Variants in PRDM16 observed in about 807,000 individuals in gnomAD.
PRDM16 encodes PR/SET domain 16, also known as histone-lysine N-methyltransferase PRDM16.
PRDM16 carries 23 observed loss-of-function variants against 110.6 expected under a neutral mutation model. That is an observed-to-expected ratio of 0.21 (90% CI 0.15 to 0.29). PRDM16 has a LOEUF of 0.29. PRDM16 is among the 10% of genes least tolerant of loss of function. The pLI is 1.00. For synonymous variants in PRDM16, 799 were observed against 781.8 expected (o/e 1.02, Z -0.37); for missense variants, 1,615 against 1,794.3 (o/e 0.90, Z 1.81).
intron 1 of PRDM16, among the ~76,000 whole-genome samples, chr1:3,077,667 C>G (rs1165999519): frequency 6.6e-6 from 1 of 152,156 alleles, no homozygotes; most frequent in African/African-American, 2.4e-5. Flanking sequence ...ATCTCCTTGG[C>G]CTGTTTGGGA....
At chr1:3,138,078 C>G (rs1366446191) in intron 1 of PRDM16, among the ~76,000 whole-genome samples, 3 of 152,322 alleles carry the variant, frequency 2.0e-5, no homozygotes, top group East Asian at 3.9e-4. Context: ...GTGAAGGGCT[C>G]CAGCCTGGCA....
intron 3 of PRDM16, among the ~76,000 whole-genome samples, chr1:3,314,905 T>C (rs1482981082): frequency 1.3e-5 from 2 of 152,146 alleles, no homozygotes; most frequent in Non-Finnish European, 2.9e-5. Flanking sequence ...CCAAATGTCT[T>C]CATAGCCCAT....
At chr1:3,422,879 G>T (rs1461280363) in intron 12 of PRDM16, among the ~76,000 whole-genome samples, 1 of 152,220 alleles carries the variant, frequency 6.6e-6, no homozygotes, top group Non-Finnish European at 1.5e-5. Context: ...GGACCCGGGT[G>T]CCCGGAGGCA....
At chr1:3,428,208 G>A (rs1285856010) in intron 14 of PRDM16, among the ~76,000 whole-genome samples, 2 of 146,386 alleles carry the variant, frequency 1.4e-5, no homozygotes, top group Admixed American at 6.8e-5. Flanking sequence ...CCGAGCTAGG[G>A]TGCAGCCCGG....
chr1:3,124,335 G>C (rs1157346677), intron 1 of PRDM16, among the ~76,000 whole-genome samples: 3 of 152,212 alleles, frequency 2.0e-5, no homozygotes. Flanking sequence ...CTCCTGTTTT[G>C]CAGAGAGCTC....
intron 3 of PRDM16, among the ~76,000 whole-genome samples, chr1:3,259,555 G>C (rs1640118193): frequency 6.6e-6 from 1 of 152,184 alleles, no homozygotes. Context: ...CACCACCCAA[G>C]GCCACATAGG....
rs370768320 is a variant in PRDM16, at chr1:3,392,828, G to A, written c.574-3663G>A. 2.0e-4 allele frequency among the ~76,000 whole-genome samples: 30 copies of A among 152,290 alleles called. 3 individuals carry two copies. The East Asian group carries it at 2.7e-3, about 14-fold the overall frequency. ...AATTTCTCTGCCTTCTGTTGAGAAC[G>A]TGGCCATTTATTTGTCCCAGAAGTC... On this transcript the variant is annotated intron_variant, in intron 4 of 16. Transcript: ENST00000270722.
At chr1:3,231,237 C>A (rs543675652) in intron 2 of PRDM16, among the ~76,000 whole-genome samples, 4 of 152,214 alleles carry the variant, frequency 2.6e-5, no homozygotes, top group African/African-American at 9.7e-5. Context: ...CTAGGTTAAT[C>A]GCCACAAGAG....
At chr1:3,071,560 G>A (rs1641762076) in intron 1 of PRDM16, among the ~76,000 whole-genome samples, 1 of 152,242 alleles carries the variant, frequency 6.6e-6, no homozygotes, top group African/African-American at 2.4e-5. Flanking sequence ...GGATCACACT[G>A]CCTGCCCTGA....
intron 1 of PRDM16, among the ~76,000 whole-genome samples, chr1:3,181,895 C>T (rs1180683065): frequency 1.0e-5 from 1 of 96,484 alleles, no homozygotes; most frequent in East Asian, 2.4e-4. Context: ...CGCAGTCTTA[C>T]ACACGGTCTT....
intron 3 of PRDM16, among the ~76,000 whole-genome samples, chr1:3,292,144 A>G (rs577695862): frequency 1.3e-5 from 2 of 152,310 alleles, no homozygotes; most frequent in Admixed American, 1.3e-4. Context: ...TGCACTGACA[A>G]CCTTGGGCAC....
At position 3,203,575 on chromosome 1, in the gene PRDM16, C is replaced by T. The variant is rs184763734; in HGVS notation, c.387+17101C>T. Reference sequence around the variant, plus strand: ...CCTCTGGGGTGGGGTCCGTGCGTTTCTCTCCCCGGGGGGGCCAGGGTGTGG... The same window carrying T: ...CCTCTGGGGTGGGGTCCGTGCGTTTTTCTCCCCGGGGGGGCCAGGGTGTGG... On this transcript the variant is annotated intron_variant, in intron 2 of 16. Coordinates refer to ENST00000270722, the MANE Select transcript of PRDM16 (RefSeq NM_022114.4). 2.9e-4 allele frequency among the ~76,000 whole-genome samples: 41 copies of T among 143,322 alleles called. No individual in the cohort carries two copies. In the East Asian group the frequency reaches 8.2e-3, roughly 29 times the overall value. The allele number at this position is 143,322 out of a possible 152,430, so 94.0% of individuals were successfully genotyped here. A position where few individuals can be genotyped will look rare whatever the true frequency, so the allele number is the denominator to read the frequency against.
At chr1:3,116,368 G>A (rs1402515242) in intron 1 of PRDM16, among the ~76,000 whole-genome samples, 2 of 152,100 alleles carry the variant, frequency 1.3e-5, no homozygotes, top group Admixed American at 6.5e-5. Context: ...GGCCAATGAC[G>A]GGGGGGACGC....
chr1:3,314,379 G>A (rs1031839750), intron 3 of PRDM16, among the ~76,000 whole-genome samples: 3 of 152,118 alleles, frequency 2.0e-5, no homozygotes, highest in Admixed American at 1.3e-4. Context: ...GTACCGAATC[G>A]GAAGGATTTG....
At chr1:3,109,096 AAT>A (rs1311181386) in intron 1 of PRDM16, among the ~76,000 whole-genome samples, 2 of 145,222 alleles carry the variant, frequency 1.4e-5, no homozygotes, top group Admixed American at 1.4e-4. Context: ...TAATAATAAT[AAT>A]AATAATAATA....
At chr1:3,097,860 G>A (rs996728518) in intron 1 of PRDM16, among the ~76,000 whole-genome samples, 4 of 152,138 alleles carry the variant, frequency 2.6e-5, no homozygotes, top group Admixed American at 1.3e-4. Context: ...TGCAGCAGAC[G>A]CCCCTCGAGC....
intron 1 of PRDM16, among the ~76,000 whole-genome samples, chr1:3,185,299 C>G (rs2651925): frequency 0.33 from 49,536 of 151,970 alleles, 9,469 homozygotes; most frequent in African/African-American, 0.54. Flanking sequence ...TGGGCACTCT[C>G]TCATTGCTTA....
chr1:3,308,450 G>A (rs1557596264), intron 3 of PRDM16: 1 of 152,232 alleles, frequency 6.6e-6, no homozygotes, highest in African/African-American at 2.4e-5. Flanking sequence ...CCCCTCTGAT[G>A]GCCTTGGGTT....
chr1:3,348,438 C>T (rs1043414420), intron 3 of PRDM16, among the ~76,000 whole-genome samples: 3 of 152,212 alleles, frequency 2.0e-5, no homozygotes, highest in Admixed American at 2.0e-4. Context: ...CAGCACCATC[C>T]CCAAAATCCG....
Sources: gnomAD v4.1 joint callset for allele counts (sites outside exome capture counted in the v4.1 genomes callset) on GRCh38, gnomAD v4.1.1 for gene constraint, MANE v1.5 for transcripts, NCBI Gene and HGNC (gene_info 2026-07-23, HGNC 2026-07-21) for gene names.